The following GPC6 variants were observed in gnomAD, a reference collection of about 807,000 sequenced individuals.
The protein encoded by GPC6 is glypican 6, also known as glypican-6.
Under a neutral mutation model 55.2 loss-of-function variants are expected in GPC6, and 14 were observed. That is an observed-to-expected ratio of 0.25 (90% CI 0.17 to 0.40). The LOEUF is 0.40. Among genes scored for constraint, GPC6 ranks in the 10% least tolerant of loss-of-function variants. The probability of loss-of-function intolerance (pLI) is 1.00; values close to 1 mark genes in which losing one functional copy is unlikely to be tolerated. For synonymous variants in GPC6, 278 were observed against 259.6 expected, an observed-to-expected ratio of 1.07 and a Z score of -0.68; for missense variants, 641 against 708.5, an observed-to-expected ratio of 0.90 and a Z score of 1.08.
intron 2 of GPC6, among the ~76,000 whole-genome samples, chr13:93,617,052 A>C (rs1878752999): frequency 6.6e-6 from 1 of 152,086 alleles, no homozygotes; most frequent in Admixed American, 6.6e-5. Context: ...GAACTGTTTG[A>C]AAGGCATGCC....
intron 2 of GPC6, among the ~76,000 whole-genome samples, chr13:93,663,638 C>A (rs183877054): frequency 4.6e-5 from 7 of 152,126 alleles, no homozygotes; most frequent in Admixed American, 2.0e-4. Context: ...TTGTATTGTA[C>A]CTTCTTTTGA....
chr13:93,229,139 A>C (rs898285734), intron 1 of GPC6, among the ~76,000 whole-genome samples: 4 of 152,186 alleles, frequency 2.6e-5, no homozygotes, highest in African/African-American at 9.7e-5. Flanking sequence ...TAATCAATGA[A>C]TAGAGAGCGA....
intron 4 of GPC6, among the ~76,000 whole-genome samples, chr13:94,195,330 C>G (rs1889537150): frequency 6.6e-6 from 1 of 152,070 alleles, no homozygotes; most frequent in South Asian, 2.1e-4. Context: ...GTTTGAAATT[C>G]CAAGGACATC....
At chr13:93,559,218 TA>T (rs1226563334) in intron 2 of GPC6, among the ~76,000 whole-genome samples, 25 of 152,346 alleles carry the variant, frequency 1.6e-4, no homozygotes, top group African/African-American at 5.8e-4. Flanking sequence ...CACATCTCAG[TA>T]TGTGAAATCA....
chr13:94,237,154 GA>G (rs1022424475), intron 4 of GPC6, among the ~76,000 whole-genome samples: 3 of 152,142 alleles, frequency 2.0e-5, no homozygotes, highest in African/African-American at 7.2e-5. Context: ...GGCAGGACAA[GA>G]AGTGAGCTGA....
At chr13:93,716,214 A>T (rs1377589812) in intron 2 of GPC6, among the ~76,000 whole-genome samples, 1 of 151,684 alleles carries the variant, frequency 6.6e-6, no homozygotes, top group Non-Finnish European at 1.5e-5. Context: ...TTATGCATTT[A>T]CTATACTATG....
At chr13:94,336,533 C>A (rs897505936) in intron 6 of GPC6, among the ~76,000 whole-genome samples, 1 of 152,078 alleles carries the variant, frequency 6.6e-6, no homozygotes, top group Non-Finnish European at 1.5e-5. Context: ...CACTGGATTG[C>A]GCTGTAAAAT....
At chr13:93,886,113 A>T (rs1200363595) in intron 3 of GPC6, among the ~76,000 whole-genome samples, 2 of 152,128 alleles carry the variant, frequency 1.3e-5, no homozygotes, top group Non-Finnish European at 2.9e-5. Context: ...AATTATGGCT[A>T]TGCCAAAGTT....
intron 2 of GPC6, among the ~76,000 whole-genome samples, chr13:93,748,799 T>G (rs1884484487): frequency 6.6e-6 from 1 of 152,102 alleles, no homozygotes; most frequent in South Asian, 2.1e-4. Context: ...TAAGAGTGTC[T>G]TATTTTCATG....
At chr13:93,409,331 G>A (rs981648850) in intron 1 of GPC6, among the ~76,000 whole-genome samples, 1 of 152,056 alleles carries the variant, frequency 6.6e-6, no homozygotes, top group African/African-American at 2.4e-5. Context: ...CTATAAACAA[G>A]AGTTCTTGAA....
intron 1 of GPC6, among the ~76,000 whole-genome samples, chr13:93,400,285 A>G (rs1031603495): frequency 3.4e-5 from 5 of 148,460 alleles, no homozygotes; most frequent in African/African-American, 1.2e-4. Flanking sequence ...TCTTTCTTCT[A>G]CCATTCAACA....
intron 3 of GPC6, among the ~76,000 whole-genome samples, chr13:93,988,554 GT>G (rs2140412587): frequency 6.6e-6 from 1 of 152,304 alleles, no homozygotes; most frequent in South Asian, 2.1e-4. Context: ...CCAGCACATT[GT>G]GTCTGGTGAA....
At chr13:94,296,395 T>C (rs186008380) in intron 5 of GPC6, among the ~76,000 whole-genome samples, 136 of 152,340 alleles carry the variant, frequency 8.9e-4, no homozygotes, top group Non-Finnish European at 1.6e-3. Context: ...TAACACTCAA[T>C]GTGTATTCTT....
intron 6 of GPC6, among the ~76,000 whole-genome samples, chr13:94,319,847 A>T (rs1397229140): frequency 6.6e-6 from 1 of 152,144 alleles, no homozygotes; most frequent in Admixed American, 6.5e-5. Flanking sequence ...GTGTAGGTAT[A>T]GATTTCTTTT....
At chr13:93,358,441 A>G (rs954457579) in intron 1 of GPC6, among the ~76,000 whole-genome samples, 8 of 152,194 alleles carry the variant, frequency 5.3e-5, no homozygotes, top group Admixed American at 4.6e-4. Context: ...TACAATACCA[A>G]GAGGTGGCTA....
At chr13:93,900,678 G>C (rs1226373037) in intron 3 of GPC6, among the ~76,000 whole-genome samples, 2 of 152,054 alleles carry the variant, frequency 1.3e-5, no homozygotes, top group African/African-American at 4.8e-5. Flanking sequence ...TCCTCACAAA[G>C]ATTTTGTTAA....
chr13:93,419,160 C>A (rs923669125), intron 1 of GPC6, among the ~76,000 whole-genome samples: 5 of 150,760 alleles, frequency 3.3e-5, no homozygotes, highest in Non-Finnish European at 7.4e-5. Flanking sequence ...GTAGAAAGGT[C>A]TGTGAGGAAA....
At chr13:93,398,329 G>C (rs1180432334) in intron 1 of GPC6, among the ~76,000 whole-genome samples, 1 of 152,208 alleles carries the variant, frequency 6.6e-6, no homozygotes, top group Non-Finnish European at 1.5e-5. Flanking sequence ...CTGGGATGGA[G>C]TGCTCTCTGG....
intron 2 of GPC6, among the ~76,000 whole-genome samples, chr13:93,728,535 C>T (rs1230643361): frequency 1.3e-5 from 2 of 150,934 alleles, no homozygotes; most frequent in African/African-American, 4.9e-5. Context: ...GCCACCATAC[C>T]CAGCCTTATT....
Sources: gnomAD v4.1 joint callset for allele counts (sites outside exome capture counted in the v4.1 genomes callset) on GRCh38, gnomAD v4.1.1 for gene constraint, MANE v1.5 for transcripts, NCBI Gene and HGNC (gene_info 2026-07-23, HGNC 2026-07-21) for gene names.